The following CNGA3 variants were observed in gnomAD, a reference collection of about 807,000 sequenced individuals.
The protein encoded by CNGA3 is cyclic nucleotide gated channel subunit alpha 3, also known as cyclic nucleotide-gated channel alpha-3.
A neutral mutation model predicts 46.6 loss-of-function variants in CNGA3; 42 were observed. That is an observed-to-expected ratio of 0.90 (90% CI 0.70 to 1.17). The LOEUF (loss-of-function observed/expected upper bound fraction) is 1.17. Among genes scored for constraint, CNGA3 ranks in the 50% most tolerant of loss-of-function variants. The probability of loss-of-function intolerance (pLI) is 0.00; values close to 1 mark genes in which losing one functional copy is unlikely to be tolerated. For missense variants in CNGA3, 893 were observed against 890.7 expected (o/e 1.00, Z -0.03); for synonymous variants, 394 against 369.4 (o/e 1.07, Z -0.76).
At chr2:98,360,036 G>C (rs1163389314) in intron 1 of CNGA3, among the ~76,000 whole-genome samples, 1 of 152,236 alleles carries the variant, frequency 6.6e-6, no homozygotes, top group Non-Finnish European at 1.5e-5. Flanking sequence ...CTTTAAAGCA[G>C]AGACCCCTCC....
At chr2:98,389,574 T>C (rs951909655) in intron 5 of CNGA3, 84 bp from the exon 6 acceptor site, 3 of 1,230,524 alleles carry the variant, frequency 2.4e-6, no homozygotes, top group Admixed American at 1.7e-5. Context: ...GGCTTCAGCC[T>C]GAAATTGCCC....
chr2:98,366,276 C>T (rs10173019), intron 1 of CNGA3, among the ~76,000 whole-genome samples: 66,650 of 152,008 alleles, frequency 0.44, 14,711 homozygotes, highest in Admixed American at 0.5. Context: ...CTCCTTCATC[C>T]GGGAGATCCG....
intron 1 of CNGA3, among the ~76,000 whole-genome samples, chr2:98,365,200 G>C (rs903356593): frequency 6.6e-6 from 1 of 152,122 alleles, no homozygotes; most frequent in Non-Finnish European, 1.5e-5. Context: ...CCAACACTTT[G>C]GGAAGCCGAG....
intron 1 of CNGA3, among the ~76,000 whole-genome samples, chr2:98,356,552 C>T (rs1691883912): frequency 1.3e-5 from 2 of 152,286 alleles, no homozygotes; most frequent in Middle Eastern, 3.4e-3. Flanking sequence ...GTCTCCTCCC[C>T]AAGGATGATG....
intron 1 of CNGA3, among the ~76,000 whole-genome samples, chr2:98,358,606 T>C (rs1402719516): frequency 1.3e-5 from 2 of 152,180 alleles, no homozygotes; most frequent in African/African-American, 2.4e-5. Flanking sequence ...TAATGAAATT[T>C]CTACACAAAG....
intron 2 of CNGA3, among the ~76,000 whole-genome samples, chr2:98,373,328 G>A (rs1692330299): frequency 1.3e-5 from 2 of 152,220 alleles, no homozygotes; most frequent in Non-Finnish European, 2.9e-5. Flanking sequence ...TCTTTGTCTT[G>A]AAATTCCAGT....
chr2:98,349,556 T>C (rs1464268319), intron 1 of CNGA3, among the ~76,000 whole-genome samples: 1 of 152,142 alleles, frequency 6.6e-6, no homozygotes, highest in African/African-American at 2.4e-5. Context: ...AGAGAATGGA[T>C]GGATTGTAGG....
In CNGA3 at chr2:98,396,820, C is replaced by T; in HGVS notation, c.1650C>T (p.Ile550=). Residue 550 remains isoleucine, a synonymous_variant, in exon 8 of 8, where the codon ATC becomes ATT. Coordinates refer to ENST00000272602, the MANE Select transcript of CNGA3 (RefSeq NM_001298.3). ...VLSDGSYFGE[I]SILNIKGSKS... is the part of the protein sequence containing the mutation. ...GCGATGGCAGCTACTTCGGGGAGAT[C>T]AGCATTCTGAACATCAAGGGGAGCA... 1 of 1,614,172 alleles carries T rather than the reference C, an allele frequency of 6.2e-7. No individual in the cohort carries two copies. The highest frequency in any genetic ancestry group is 1.7e-5 in the Admixed American group (1 of 60,032).
intron 2 of CNGA3, among the ~76,000 whole-genome samples, chr2:98,373,690 T>C (rs997066215): frequency 2.0e-5 from 3 of 152,258 alleles, no homozygotes; most frequent in Non-Finnish European, 2.9e-5. Flanking sequence ...TCTTTTTAGT[T>C]GGCTCAATTA....
At chr2:98,363,302 A>G (rs1692075412) in intron 1 of CNGA3, among the ~76,000 whole-genome samples, 1 of 152,028 alleles carries the variant, frequency 6.6e-6, no homozygotes, top group East Asian at 1.9e-4. Flanking sequence ...ATGCTTTTCC[A>G]TTTGTGTCCT....
chr2:98,354,254 A>G (rs2106072909), intron 1 of CNGA3, among the ~76,000 whole-genome samples: 1 of 152,112 alleles, frequency 6.6e-6, no homozygotes, highest in South Asian at 2.1e-4. Flanking sequence ...AATATTTTCA[A>G]TCTGTGATTG....
At chr2:98,386,416 A>G (rs1692655853) in intron 5 of CNGA3, among the ~76,000 whole-genome samples, 1 of 152,144 alleles carries the variant, frequency 6.6e-6, no homozygotes, top group African/African-American at 2.4e-5. Flanking sequence ...CATGCTGTGA[A>G]TAAGTCTCAC....
chr2:98,364,864 TTA>T, intron 1 of CNGA3, among the ~76,000 whole-genome samples: 1 of 152,308 alleles, frequency 6.6e-6, no homozygotes, highest in Admixed American at 6.5e-5. Flanking sequence ...TCTCCTTTGC[TTA>T]TGAAGTTTAG....
At chr2:98,367,767 A>G (rs1459710757) in intron 1 of CNGA3, among the ~76,000 whole-genome samples, 4 of 151,944 alleles carry the variant, frequency 2.6e-5, no homozygotes, top group Non-Finnish European at 4.4e-5. Flanking sequence ...ACTTGCTATC[A>G]CTACCACAAA....
At chr2:98,349,582 A>G (rs1192404016) in intron 1 of CNGA3, among the ~76,000 whole-genome samples, 3 of 152,214 alleles carry the variant, frequency 2.0e-5, no homozygotes, top group South Asian at 4.1e-4. Context: ...CAGCCTGAAG[A>G]TGGGAGATGA....
At position 98,377,605 on chromosome 2, in the gene CNGA3, T is replaced by G; in HGVS notation, c.102-82T>G. On this transcript the variant is annotated intron_variant, in intron 2 of 7. Transcript: ENST00000272602. ...GTGGCTTTCCCTGCTAAGCAGAACA[T>G]CTGACTGTCTCACTCCTGGCTGTGT... The G allele has an allele frequency of 4.5e-6, 6 of 1,346,808 alleles. No individual in the cohort carries two copies. In the South Asian group the frequency reaches 7.5e-5, roughly 17 times the overall value. The allele number at this position is 1,346,808 out of a possible 1,614,324, so 83.4% of individuals were successfully genotyped here.
intron 4 of CNGA3, 142 bp from the exon 5 acceptor site, chr2:98,383,246 C>G (rs943639851): frequency 2.5e-6 from 2 of 798,606 alleles, no homozygotes; most frequent in Middle Eastern, 2.2e-4. Context: ...AATACCACCC[C>G]GTATTCTTCA....
intron 2 of CNGA3, among the ~76,000 whole-genome samples, chr2:98,371,528 G>T (rs1478056269): frequency 1.3e-5 from 2 of 152,178 alleles, no homozygotes; most frequent in Non-Finnish European, 2.9e-5. Flanking sequence ...ATGGAAGGAA[G>T]ATCCCAGAGC....
At chr2:98,392,093 C>A in intron 7 of CNGA3, 123 bp downstream of exon 7, 2 of 831,412 alleles carry the variant, frequency 2.4e-6, no homozygotes, top group East Asian at 2.6e-5. Context: ...GTCTGGGGAC[C>A]TCCGACAGTG....
Sources: allele counts gnomAD v4.1 joint callset (sites outside exome capture counted in the v4.1 genomes callset), GRCh38; gene constraint gnomAD v4.1.1; transcripts MANE v1.5; gene names NCBI Gene and HGNC (gene_info 2026-07-23, HGNC 2026-07-21).